The following LOC728743 variants were observed in gnomAD, a reference collection of about 807,000 sequenced individuals.
At chr7:150,407,677 C>G in the LOC728743 span, 3 of 398,978 alleles carry the variant, frequency 7.5e-6, no homozygotes, top group Admixed American at 4.4e-5. Context: ...GTCTGGGGGA[C>G]GAGCGAGGCC....
At chr7:150,404,242 C>T in the LOC728743 span, among the ~76,000 whole-genome samples, 1 of 152,316 alleles carries the variant, frequency 6.6e-6, no homozygotes, top group East Asian at 1.9e-4. Flanking sequence ...TCCTCTCAGG[C>T]CTCTGTTTTT....
chr7:150,409,853 G>T, the LOC728743 span, among the ~76,000 whole-genome samples: 3 of 152,082 alleles, frequency 2.0e-5, no homozygotes, highest in Non-Finnish European at 4.4e-5. Flanking sequence ...ATGGCTCCTC[G>T]GAGACTGTCC....
chr7:150,406,877 C>T, the LOC728743 span, among the ~76,000 whole-genome samples: 1 of 152,230 alleles, frequency 6.6e-6, no homozygotes. Context: ...CTTTTGAACA[C>T]ATGCCTCATT....
chr7:150,405,163 G>A, the LOC728743 span: 1 of 152,240 alleles, frequency 6.6e-6, no homozygotes, highest in Non-Finnish European at 1.5e-5. Flanking sequence ...TCGCCGCTCC[G>A]GCCCGGGCGG....
the LOC728743 span, among the ~76,000 whole-genome samples, chr7:150,409,336 C>T: frequency 6.6e-6 from 1 of 152,120 alleles, no homozygotes; most frequent in Non-Finnish European, 1.5e-5. Context: ...GAGCTGGAGC[C>T]TCGAGGGGCT....
chr7:150,410,298 A>G, the LOC728743 span: 4 of 398,132 alleles, frequency 1.0e-5, no homozygotes, highest in East Asian at 1.4e-4. Flanking sequence ...ACCTGCCTCA[A>G]GAGGTGCACT....
chr7:150,404,799 T>C, the LOC728743 span: 1 of 152,350 alleles, frequency 6.6e-6, no homozygotes, highest in Non-Finnish European at 1.5e-5. Context: ...ACCCAGGCCA[T>C]ATAGTCAGGC....
the LOC728743 span, among the ~76,000 whole-genome samples, chr7:150,407,108 C>T: frequency 6.6e-6 from 1 of 152,154 alleles, no homozygotes; most frequent in African/African-American, 2.4e-5. Context: ...ACTGAAAATC[C>T]TAGCTGAAAC....
At chr7:150,405,430 G>C in the LOC728743 span, 1 of 152,092 alleles carries the variant, frequency 6.6e-6, no homozygotes, top group Non-Finnish European at 1.5e-5. Flanking sequence ...GTATTTGCCG[G>C]GTCCCGCGCA....
At chr7:150,401,039 C>T in the LOC728743 span, 3 of 152,324 alleles carry the variant, frequency 2.0e-5, no homozygotes, top group East Asian at 5.8e-4. Context: ...GGATCTGTGG[C>T]CACGTGGTCA....
chr7:150,404,035 C>T, the LOC728743 span, among the ~76,000 whole-genome samples: 2 of 152,224 alleles, frequency 1.3e-5, no homozygotes, highest in African/African-American at 4.8e-5. Flanking sequence ...CTCATGGTAT[C>T]GGGAGGCCCG....
At chr7:150,402,096 T>C in the LOC728743 span, among the ~76,000 whole-genome samples, 2 of 152,222 alleles carry the variant, frequency 1.3e-5, no homozygotes, top group Non-Finnish European at 2.9e-5. Flanking sequence ...ATGGTAGCTA[T>C]TGTTGTTTTA....
At chr7:150,402,928 C>T in the LOC728743 span, among the ~76,000 whole-genome samples, 21 of 152,146 alleles carry the variant, frequency 1.4e-4, no homozygotes, top group African/African-American at 4.3e-4. Context: ...ACAGGAGCCA[C>T]GAGCAACACA....
the LOC728743 span, among the ~76,000 whole-genome samples, chr7:150,407,330 A>G: frequency 6.6e-6 from 1 of 152,120 alleles, no homozygotes; most frequent in Non-Finnish European, 1.5e-5. Flanking sequence ...CCCGGGGTGG[A>G]AAGGTCAGGG....
chr7:150,407,678 G>C, the LOC728743 span: 5 of 399,028 alleles, frequency 1.3e-5, no homozygotes, highest in Non-Finnish European at 2.2e-5. Flanking sequence ...TCTGGGGGAC[G>C]AGCGAGGCCT....
the LOC728743 span, chr7:150,411,606 G>C: frequency 6.6e-6 from 1 of 152,400 alleles, no homozygotes; most frequent in Non-Finnish European, 1.5e-5. Flanking sequence ...CCCTGCACTG[G>C]AGTCTTGCTG....
the LOC728743 span, chr7:150,411,813 C>T: frequency 2.0e-5 from 3 of 152,540 alleles, no homozygotes; most frequent in Admixed American, 6.6e-5. Context: ...CAGTTTGTGT[C>T]CCCCTCTGCC....
At chr7:150,401,109 T>C in the LOC728743 span, 2 of 152,282 alleles carry the variant, frequency 1.3e-5, no homozygotes, top group African/African-American at 4.8e-5. Context: ...GTGCAGTGGC[T>C]GGCATGGGGA....
At chr7:150,407,724 G>A in the LOC728743 span, 6 of 399,534 alleles carry the variant, frequency 1.5e-5, no homozygotes, top group Non-Finnish European at 2.6e-5. Flanking sequence ...CAGCCCTACC[G>A]CTGCCCGCTG....
Sources: gnomAD v4.1 joint callset for allele counts (sites outside exome capture counted in the v4.1 genomes callset) on GRCh38, gnomAD v4.1.1 for gene constraint, MANE v1.5 for transcripts.